ZNF469: variants seen among roughly 807,000 people sequenced by gnomAD.
The protein encoded by ZNF469 is zinc finger protein 469.
In ZNF469, 1 loss-of-function variant was observed where a neutral mutation model predicts 1.0. That is an observed-to-expected ratio of 1.00 (90% CI 0.35 to 4.73). The LOEUF (loss-of-function observed/expected upper bound fraction) is 4.73. Among genes scored for constraint, ZNF469 ranks in the 30% most tolerant of loss-of-function variants. ZNF469 has a pLI of 0.16. For missense variants in ZNF469, 6,100 were observed against 5,356.3 expected (o/e 1.14, Z -4.33); for synonymous variants, 2,703 against 2,363.4 (o/e 1.14, Z -4.17).
chr16:88,315,153 G>A, the ZNF469 span, among the ~76,000 whole-genome samples: 676 of 152,370 alleles, frequency 4.4e-3, 3 homozygotes, highest in Non-Finnish European at 7.1e-3. Context: ...GCCAGGGGCA[G>A]GAAGGTCTCC....
At chr16:88,380,877 C>T (rs1328669245), upstream of ZNF469, among the ~76,000 whole-genome samples, 5 of 148,002 alleles carry the variant, frequency 3.4e-5, no homozygotes, top group Non-Finnish European at 7.4e-5. Flanking sequence ...CACAGTCATG[C>T]CCTCACCCAG....
At chr16:88,320,231 G>A in the ZNF469 span, among the ~76,000 whole-genome samples, 6 of 152,130 alleles carry the variant, frequency 3.9e-5, no homozygotes, top group Non-Finnish European at 8.8e-5. Context: ...GGAGACTCGG[G>A]GTTTTAAATG....
the ZNF469 span, among the ~76,000 whole-genome samples, chr16:88,101,502 C>T: frequency 6.6e-6 from 1 of 151,100 alleles, no homozygotes; most frequent in Non-Finnish European, 1.5e-5. Flanking sequence ...TGTGGACAGA[C>T]TCAATTAGCT....
Position 88,433,748 on chromosome 16 carries a change from A to G in ZNF469, c.6278A>G (p.Asn2093Ser). ...TPERASSPGL[N>S]KPLLATGDSP... is the part of the protein sequence containing the mutation. ...GAGAGGGCGTCCAGCCCCGGCCTGA[A>G]CAAGCCACTGCTGGCCACAGGGGAT... Residue 2093 changes from asparagine (N) to serine (S), a missense_variant, in exon 3 of 3, where the codon AAC becomes AGC. By Grantham distance (46) the Asn-to-Ser change is conservative. Coordinates refer to ENST00000565624, the MANE Select transcript of ZNF469 (RefSeq NM_001367624.2). The G allele has an allele frequency of 1.3e-6, 2 of 1,549,170 alleles. No homozygotes were observed. The highest frequency in any genetic ancestry group is 1.7e-6 in the Non-Finnish European group (2 of 1,146,856).
At chr16:88,154,209 G>A in the ZNF469 span, among the ~76,000 whole-genome samples, 1 of 152,224 alleles carries the variant, frequency 6.6e-6, no homozygotes, top group East Asian at 1.9e-4. Context: ...CCAGGCTGGA[G>A]TGCAGTGGCG....
the ZNF469 span, among the ~76,000 whole-genome samples, chr16:88,168,226 T>C: frequency 5.3e-5 from 8 of 152,220 alleles, no homozygotes; most frequent in Admixed American, 4.6e-4. The surrounding 1 kb of genome is among the most constrained non-coding windows in gnomAD (Gnocchi z 4.3). Context: ...AAGTTTGGTC[T>C]GAAACTCAGA....
chr16:88,143,031 C>T, the ZNF469 span, among the ~76,000 whole-genome samples: 3 of 152,140 alleles, frequency 2.0e-5, no homozygotes, highest in Non-Finnish European at 4.4e-5. Flanking sequence ...CCCACCTCAC[C>T]GGCCTGTGAT....
the ZNF469 span, among the ~76,000 whole-genome samples, chr16:88,259,898 C>T: frequency 1.3e-5 from 2 of 152,202 alleles, no homozygotes; most frequent in Admixed American, 6.5e-5. This position sits in a 1 kb window ranked among gnomAD's most constrained non-coding sequence, Gnocchi z 4.1. Context: ...CCCATCCGGA[C>T]ATTTACAGAT....
the ZNF469 span, among the ~76,000 whole-genome samples, chr16:88,182,789 A>T: frequency 6.6e-6 from 1 of 151,374 alleles, no homozygotes; most frequent in South Asian, 2.1e-4. Flanking sequence ...AAAACCGTAA[A>T]ACATCTAGAA....
At chr16:88,382,673 T>C (rs971504579), upstream of ZNF469, among the ~76,000 whole-genome samples, 3 of 151,968 alleles carry the variant, frequency 2.0e-5, no homozygotes, top group Non-Finnish European at 2.9e-5. Context: ...AGGCCAGGGA[T>C]GGAGATAGAG....
the ZNF469 span, among the ~76,000 whole-genome samples, chr16:88,306,953 T>C: frequency 6.6e-6 from 1 of 152,228 alleles, no homozygotes; most frequent in East Asian, 1.9e-4. Flanking sequence ...AGAACACTTT[T>C]ATCACTCCAG....
the ZNF469 span, among the ~76,000 whole-genome samples, chr16:88,225,261 G>A: frequency 6.6e-6 from 1 of 152,250 alleles, no homozygotes; most frequent in East Asian, 1.9e-4. Flanking sequence ...GCACCCACTG[G>A]GAGTTGGATT....
At chr16:88,328,214 A>G in the ZNF469 span, among the ~76,000 whole-genome samples, 1 of 152,214 alleles carries the variant, frequency 6.6e-6, no homozygotes, top group Non-Finnish European at 1.5e-5. Context: ...CAGGCCGGAC[A>G]CTTCAGTCTT....
the ZNF469 span, among the ~76,000 whole-genome samples, chr16:88,299,787 G>A: frequency 6.6e-6 from 1 of 152,198 alleles, no homozygotes. Flanking sequence ...GCAAGACAGG[G>A]GACTCAGGCC....
In ZNF469 at chr16:88,431,928, C is replaced by A. The variant is rs1476158072; in HGVS notation, c.4458C>A (p.Asp1486Glu). The A allele has an allele frequency of 1.3e-6, 2 of 1,549,642 alleles. No homozygotes were observed. Among genetic ancestry groups the A allele is most frequent in the Middle Eastern group, 3.3e-4 (2 of 5,992 alleles). ...CCGGTCTGCCGTTCGCATGTGCCGA[C>A]CCTCCCCAGAAGACGGTGCCGTCAG... is the stretch of plus-strand genomic sequence containing the variant. ...RDSGLPFACA[D>E]PPQKTVPSDP... The change falls in exon 3 of 3, where the codon GAC (aspartate) becomes GAA (glutamate). Residue 1486 changes from aspartate (D) to glutamate (E), a missense_variant. By Grantham distance (45) the Asp-to-Glu change is conservative. Transcript: ENST00000565624.
At chr16:88,101,095 G>C in the ZNF469 span, 157 of 171,886 alleles carry the variant, frequency 9.1e-4, no homozygotes, top group African/African-American at 3.6e-3. Context: ...GGCGTCTGGG[G>C]TGGCTCTGGT....
the ZNF469 span, among the ~76,000 whole-genome samples, chr16:88,205,673 C>T: frequency 1.3e-5 from 2 of 152,170 alleles, no homozygotes; most frequent in East Asian, 3.9e-4. This position sits in a 1 kb window ranked among gnomAD's most constrained non-coding sequence, Gnocchi z 4.2. Context: ...GGATGCGGAA[C>T]CGGCTCCCAA....
At chr16:88,128,544 G>A in the ZNF469 span, among the ~76,000 whole-genome samples, 2 of 152,310 alleles carry the variant, frequency 1.3e-5, no homozygotes, top group African/African-American at 2.4e-5. Flanking sequence ...GGAAGGGCCT[G>A]AGCTCCTAAG....
At chr16:88,212,191 A>G in the ZNF469 span, among the ~76,000 whole-genome samples, 1 of 152,092 alleles carries the variant, frequency 6.6e-6, no homozygotes, top group Non-Finnish European at 1.5e-5. Flanking sequence ...TGTAATGTCT[A>G]ATAGTCTCAC....
Sources: gnomAD v4.1 joint callset for allele counts (sites outside exome capture counted in the v4.1 genomes callset) on GRCh38, gnomAD v4.1.1 for gene constraint, Gnocchi (gnomAD v3.1) non-coding constraint, MANE v1.5 for transcripts, NCBI Gene and HGNC (gene_info 2026-07-23, HGNC 2026-07-21) for gene names.